MUC5AC: variants seen among roughly 807,000 people sequenced by gnomAD.
MUC5AC encodes the protein mucin 5AC, oligomeric mucus/gel-forming, also known as mucin-5AC.
In MUC5AC, 158 loss-of-function variants were observed where a neutral mutation model predicts 169.7. That is an observed-to-expected ratio of 0.93 (90% CI 0.82 to 1.06). The LOEUF (loss-of-function observed/expected upper bound fraction) is 1.06, where lower values mean the gene tolerates loss of function less well. Among genes scored for constraint, MUC5AC ranks in the 50% least tolerant of loss-of-function variants. MUC5AC has a pLI of 0.00. For missense variants in MUC5AC, 4,359 were observed against 3,089.9 expected, an observed-to-expected ratio of 1.41 and a Z score of -9.74; for synonymous variants, 1,975 against 1,237.0, an observed-to-expected ratio of 1.60 and a Z score of -12.52.
chr11:1,186,928 C>G lies in MUC5AC; in HGVS notation c.8783C>G (p.Thr2928Ser), dbSNP rs1187110290. The change falls in exon 31 of 49, where the codon ACT becomes AGT. Residue 2928 changes from threonine to serine, a missense_variant. Thr to Ser is a moderately conservative substitution (Grantham distance 58, BLOSUM62 1). Transcript: ENST00000621226. Reference sequence around the variant, plus strand: ...CCTACAAGCAGCACAACCTCAGCTACTACAACCAGCACAATCTCTGTTCCT... The same window carrying G: ...CCTACAAGCAGCACAACCTCAGCTAGTACAACCAGCACAATCTCTGTTCCT... Reference protein sequence around the residue: ...SAPTSSTTSATTTSTISVPTT... With the variant: ...SAPTSSTTSASTTSTISVPTT... 1 of 725,332 alleles carries G rather than the reference C, an allele frequency of 1.4e-6. No individual in the cohort carries two copies. The highest frequency in any genetic ancestry group is 2.5e-6 in the Non-Finnish European group (1 of 397,774). 44.9% of individuals were successfully genotyped at this position (725,332 alleles called of 1,614,324 possible).
rs1056739779 is a variant in MUC5AC at position 1,178,665 on chromosome 11, C to T, written c.3309C>T (p.Phe1103=). The T allele has an allele frequency of 7.6e-6, 10 of 1,320,622 alleles. No homozygotes were observed. The highest frequency in any genetic ancestry group is 4.5e-5 in the African/African-American group (3 of 66,408). The allele number at this position is 1,320,622 out of a possible 1,614,324, so 81.8% of individuals were successfully genotyped here. A position where few individuals can be genotyped will look rare whatever the true frequency, so the allele number is the denominator to read the frequency against. ...GCAGCATCCTCCACGGCCCCACCTT[C>T]GCCGCCTGCCACGCACACGTATGCT... is the stretch of plus-strand genomic sequence containing the variant. ...KQCSILHGPT[F]AACHAHVEPA... is the part of the protein sequence containing the mutation. The change falls in exon 25 of 49, where the codon TTC becomes TTT. Residue 1103 remains phenylalanine (F), a synonymous_variant. Transcript: ENST00000621226.
chr11:1,200,949 A>G lies in MUC5AC; in HGVS notation c.*247A>G, dbSNP rs1010860830. 1.3e-5 allele frequency: 5 copies of G among 392,842 alleles called. No homozygotes were observed. The highest frequency in any genetic ancestry group is 2.3e-5 in the Non-Finnish European group (5 of 219,274). The allele number at this position is 392,842 out of a possible 1,614,324, so 24.3% of individuals were successfully genotyped here. On this transcript the variant is annotated 3_prime_UTR_variant, in exon 49 of 49. Coordinates refer to ENST00000621226, the MANE Select transcript of MUC5AC (RefSeq NM_001304359.2). Reference sequence around the variant, plus strand: ...CGGGGCTGGCCGAGCTCCTCTGGCCATGCATCCAGCCTGCTGTTCTGGGGA... The same window carrying G: ...CGGGGCTGGCCGAGCTCCTCTGGCCGTGCATCCAGCCTGCTGTTCTGGGGA...
intron 24 of MUC5AC, among the ~76,000 whole-genome samples, chr11:1,177,946 GC>G (rs1860726599): frequency 3.9e-5 from 6 of 152,230 alleles, no homozygotes; most frequent in African/African-American, 1.2e-4. Context: ...GCTCCTTTTG[GC>G]CCCTTGCATC....
chr11:1,179,803 C>A (rs1860772253), intron 26 of MUC5AC, among the ~76,000 whole-genome samples: 1 of 152,020 alleles, frequency 6.6e-6, no homozygotes, highest in African/African-American at 2.4e-5. Context: ...CGGGAACGGG[C>A]ACTGCTGGAT....
Position 1,194,545 on chromosome 11 carries a change from C to T in MUC5AC, c.15065C>T (p.Ser5022Leu), listed in dbSNP as rs752465552. 1.6e-5 allele frequency: 12 copies of T among 763,870 alleles called. No homozygotes were observed. Among genetic ancestry groups the T allele is most frequent in the Non-Finnish European group, 2.6e-5 (11 of 417,216 alleles). 47.3% of individuals were successfully genotyped at this position (763,870 alleles called of 1,614,324 possible). A position where few individuals can be genotyped will look rare whatever the true frequency, so the allele number is the denominator to read the frequency against. Residue 5022 changes from serine (S) to leucine (L), a missense_variant, in exon 35 of 49, where the codon TCG (serine) becomes TTG (leucine). Transcript: ENST00000621226. ...TTCCGGAAAAACGGCATCGTGGTCTCGCGCATCGGCGTCAAGATGTACGCG... is the reference window on the plus strand; with the variant it reads ...TTCCGGAAAAACGGCATCGTGGTCTTGCGCATCGGCGTCAAGATGTACGCG... ...PGFRKNGIVV[S>L]RIGVKMYATI...
Position 1,182,661 on chromosome 11 carries a change from T to C in MUC5AC, c.4516T>C (p.Ser1506Pro), listed in dbSNP as rs1358709153. 50 of 398,924 alleles carry C rather than the reference T, an allele frequency of 1.3e-4. No homozygotes were observed. The highest frequency in any genetic ancestry group is 1.9e-4 in the Non-Finnish European group (44 of 226,540). The allele number at this position is 398,924 out of a possible 1,614,324, so 24.7% of individuals were successfully genotyped here. ...GACCACTGAAACCCGGGCCTCAGGC[T>C]CCTCAGCTCCCAGCAGCACACCTGG... ...SKTTETRASG[S>P]SAPSSTPGTV... is the part of the protein sequence containing the mutation. Residue 1506 changes from serine (S) to proline (P), a missense_variant, in exon 31 of 49, where the codon TCC (serine) becomes CCC (proline). Ser to Pro is a moderately conservative substitution (Grantham distance 74). Coordinates refer to ENST00000621226, the MANE Select transcript of MUC5AC (RefSeq NM_001304359.2).
At chr11:1,171,942 TTCACTCACTCACTCACTCAC>T (rs1161859817) in intron 15 of MUC5AC, among the ~76,000 whole-genome samples, 2 of 85,686 alleles carry the variant, frequency 2.3e-5, no homozygotes, top group Non-Finnish European at 5.0e-5. Context: ...CATCCACTCA[TTCACTCACTCACTCACTCAC>T]TCACTCACTC....
In MUC5AC at chr11:1,168,933, G is replaced by A. The variant is rs765405330; in HGVS notation, c.1777G>A (p.Ala593Thr). The A allele has an allele frequency of 3.7e-5, 59 of 1,611,176 alleles. No individual in the cohort carries two copies. Among genetic ancestry groups the A allele is most frequent in the Non-Finnish European group, 4.5e-5 (53 of 1,179,150 alleles). The change falls in exon 15 of 49, where the codon GCT (alanine) becomes ACT (threonine). Residue 593 changes from alanine to threonine, a missense_variant. Coordinates refer to ENST00000621226, the MANE Select transcript of MUC5AC (RefSeq NM_001304359.2). ...CCTCAGTGGGGTGGTGGAGGCCACC[G>A]CTGCGGCCTTCTTCAACACCTTCAA... is the stretch of plus-strand genomic sequence containing the variant. ...RTLSGVVEATAAAFFNTFKTQ... is the reference protein window; with the variant it reads ...RTLSGVVEATTAAFFNTFKTQ...
intron 15 of MUC5AC, among the ~76,000 whole-genome samples, chr11:1,169,394 CG>C (rs1860432669): frequency 6.9e-6 from 1 of 144,886 alleles, no homozygotes; most frequent in African/African-American, 2.6e-5. Context: ...CCTCACTCGC[CG>C]ACTCAACCAT....
At chr11:1,168,595 T>C in intron 13 of MUC5AC, 43 bp downstream of exon 13, 1 of 1,612,242 alleles carries the variant, frequency 6.2e-7, no homozygotes, top group Non-Finnish European at 8.5e-7. Context: ...CTGCCTGGGG[T>C]CCCGCCCCAC....
At chr11:1,180,695 C>T (rs929612406) in intron 28 of MUC5AC, among the ~76,000 whole-genome samples, 179 bp downstream of exon 28, 2 of 152,138 alleles carry the variant, frequency 1.3e-5, no homozygotes, top group Non-Finnish European at 2.9e-5. Context: ...GGACCAGCAC[C>T]CCCATGTCCT....
rs1860951787 is a variant in MUC5AC at position 1,186,555 on chromosome 11, A to T, written c.8410A>T (p.Thr2804Ser). Residue 2804 changes from threonine to serine, a missense_variant, in exon 31 of 49, where the codon ACA (threonine) becomes TCA (serine). Coordinates refer to ENST00000621226, the MANE Select transcript of MUC5AC (RefSeq NM_001304359.2). Reference protein sequence around the residue: ...TSTTSTTITSTTSAPISSTTS... With the variant: ...TSTTSTTITSSTSAPISSTTS... ...CACAACCTCTACTACTATAACCAGC[A>T]CAACTTCTGCCCCTATAAGCAGCAC... 1.9e-5 allele frequency: 13 copies of T among 702,572 alleles called. No homozygotes were observed. Among genetic ancestry groups the T allele is most frequent in the Non-Finnish European group, 3.4e-5 (13 of 384,918 alleles). The allele number at this position is 702,572 out of a possible 1,614,324, so 43.5% of individuals were successfully genotyped here.
Position 1,192,407 on chromosome 11 carries a change from C to T in MUC5AC, c.14262C>T (p.Ser4754=), listed in dbSNP as rs781047412. The T allele has an allele frequency of 2.6e-6, 2 of 765,170 alleles. No individual in the cohort carries two copies. Among genetic ancestry groups the T allele is most frequent in the Non-Finnish European group, 4.8e-6 (2 of 417,908 alleles). 47.4% of individuals were successfully genotyped at this position (765,170 alleles called of 1,614,324 possible). The change falls in exon 31 of 49, where the codon TCC becomes TCT. Residue 4754 remains serine, a synonymous_variant. Transcript: ENST00000621226. ...TNALYPSLST[S]MVSASVASTS... is the part of the protein sequence containing the mutation. ...CTCTGTATCCTTCCCTGTCTACTTC[C>T]ATGGTATCCGCCTCCGTGGCATCCA... is the stretch of plus-strand genomic sequence containing the variant.
Position 1,175,024 on chromosome 11 carries a change from G to C in MUC5AC, c.2235G>C (p.Lys745Asn). The change falls in exon 18 of 49, where the codon AAG (lysine) becomes AAC (asparagine). Residue 745 changes from lysine to asparagine, a missense_variant. By Grantham distance (94) the Lys-to-Asn change is moderately conservative. Transcript: ENST00000621226. The part of the protein sequence containing the change: ...FIPVDGCICP[K>N]GTFLDDTGKC... ...CCGTGGATGGCTGCATCTGTCCCAA[G>C]GGCACCTTCCTGGACGACACGGGCA... The C allele has an allele frequency of 2.5e-6, 1 of 403,566 alleles. No individual in the cohort carries two copies. Among genetic ancestry groups the C allele is most frequent in the Non-Finnish European group, 4.4e-6 (1 of 229,080 alleles). 25.0% of individuals were successfully genotyped at this position (403,566 alleles called of 1,614,324 possible). A position where few individuals can be genotyped will look rare whatever the true frequency, so the allele number is the denominator to read the frequency against.
In MUC5AC at chr11:1,200,674, G is replaced by A. The variant is rs763296015; in HGVS notation, c.16937G>A (p.Arg5646Lys). The A allele has an allele frequency of 2.6e-6, 2 of 761,220 alleles. No individual in the cohort carries two copies. The highest frequency in any genetic ancestry group is 3.4e-5 in the Admixed American group (2 of 58,842). The allele number at this position is 761,220 out of a possible 1,614,324, so 47.2% of individuals were successfully genotyped here. The change falls in exon 49 of 49, where the codon AGA becomes AAA. Residue 5646 changes from arginine (R) to lysine (K), a missense_variant. Transcript: ENST00000621226. ...SQEAESGSWE[R>K]GVPVSPMH Reference sequence around the variant, plus strand: ...GAGGCAGAGAGTGGGAGCTGGGAGAGAGGCGTCCCAGTGTCCCCCATGCAC... The same window carrying A: ...GAGGCAGAGAGTGGGAGCTGGGAGAAAGGCGTCCCAGTGTCCCCCATGCAC...
chr11:1,171,608 T>C (rs1398317174), intron 15 of MUC5AC, among the ~76,000 whole-genome samples: 269 of 45,914 alleles, frequency 5.9e-3, no homozygotes, highest in Middle Eastern at 0.026. Context: ...CACTCACCCA[T>C]TCACCCACTC....
chr11:1,181,114 G>A, intron 28 of MUC5AC, 25 bp from the exon 29 acceptor site: 1 of 398,522 alleles, frequency 2.5e-6, no homozygotes, highest in East Asian at 3.6e-5. Context: ...CCACGCATCG[G>A]CCTGCCCTTC....
At chr11:1,173,047 CACTA>C (rs1245323827) in intron 16 of MUC5AC, among the ~76,000 whole-genome samples, 1 of 150,646 alleles carries the variant, frequency 6.6e-6, no homozygotes, top group Non-Finnish European at 1.5e-5. Flanking sequence ...CTCACTCATT[CACTA>C]ACTTACTCAC....
rs761655025 is a variant in MUC5AC, at chr11:1,194,371, G to T, written c.15006+11G>T. On this transcript the variant is annotated intron_variant, in intron 34 of 48. Coordinates refer to ENST00000621226, the MANE Select transcript of MUC5AC (RefSeq NM_001304359.2). ...GTGATGACAAACGAGGTGGGGGCGC[G>T]CCCGGTGTGCCGCGGAGGGGGTGGG... 1 of 716,140 alleles carries T rather than the reference G, an allele frequency of 1.4e-6. No homozygotes were observed. The highest frequency in any genetic ancestry group is 2.6e-5 in the East Asian group (1 of 38,282). 44.4% of individuals were successfully genotyped at this position (716,140 alleles called of 1,614,324 possible).
Sources: gnomAD v4.1 joint callset for allele counts (sites outside exome capture counted in the v4.1 genomes callset) on GRCh38, gnomAD v4.1.1 for gene constraint, MANE v1.5 for transcripts, NCBI Gene and HGNC (gene_info 2026-07-23, HGNC 2026-07-21) for gene names.